The following TMEM132D variants were observed in gnomAD, a reference collection of about 807,000 sequenced individuals.
The protein encoded by TMEM132D is transmembrane protein 132D.
Under a neutral mutation model 62.3 loss-of-function variants are expected in TMEM132D, and 21 were observed. The observed-to-expected ratio is 0.34, with a 90% CI of 0.24 to 0.49. TMEM132D has a LOEUF of 0.49. Ranked by LOEUF, TMEM132D falls within the 20% of genes least tolerant of loss-of-function variation. The pLI, the probability that TMEM132D is intolerant of heterozygous loss-of-function variation, is 0.99. For missense variants in TMEM132D, 1,346 were observed against 1,402.8 expected (o/e 0.96, Z 0.65); for synonymous variants, 621 against 575.6 (o/e 1.08, Z -1.13).
chr12:129,901,858 C>A (rs1013107520), intron 1 of TMEM132D, among the ~76,000 whole-genome samples: 5 of 143,920 alleles, frequency 3.5e-5, no homozygotes, highest in African/African-American at 1.3e-4. Flanking sequence ...CAAGTGAGAA[C>A]CAACCCCCCC....
chr12:129,394,857 C>T (rs1266483662), intron 3 of TMEM132D, among the ~76,000 whole-genome samples: 1 of 152,142 alleles, frequency 6.6e-6, no homozygotes, highest in South Asian at 2.1e-4. Flanking sequence ...CAAAAGCTCA[C>T]GGGAATCTTT....
At chr12:129,185,873 G>C (rs981652250) in intron 5 of TMEM132D, among the ~76,000 whole-genome samples, 1 of 152,004 alleles carries the variant, frequency 6.6e-6, no homozygotes, top group African/African-American at 2.4e-5. Flanking sequence ...GAAATGGAGT[G>C]CATATAGAAC....
chr12:129,270,989 C>T (rs1593318294), intron 4 of TMEM132D, among the ~76,000 whole-genome samples: 1 of 152,294 alleles, frequency 6.6e-6, no homozygotes, highest in East Asian at 1.9e-4. Flanking sequence ...TGGTTGCACC[C>T]TGTGACGGCT....
chr12:129,385,790 C>T (rs1238391938), intron 3 of TMEM132D, among the ~76,000 whole-genome samples: 1 of 152,170 alleles, frequency 6.6e-6, no homozygotes, highest in Non-Finnish European at 1.5e-5. Context: ...GACTGAATTT[C>T]AGAAAGCAAC....
intron 5 of TMEM132D, among the ~76,000 whole-genome samples, chr12:129,174,123 A>C (rs1309205810): frequency 2.0e-5 from 3 of 152,116 alleles, no homozygotes; most frequent in Non-Finnish European, 4.4e-5. Context: ...ATTTTACCTT[A>C]AGTTGCAGGA....
chr12:129,522,546 A>G (rs1875880354), intron 3 of TMEM132D: 1 of 152,204 alleles, frequency 6.6e-6, no homozygotes, highest in African/African-American at 2.4e-5. Context: ...ACTCACGGTA[A>G]AGGGTTGTCA....
At chr12:129,403,387 G>T (rs1323378169) in intron 3 of TMEM132D, among the ~76,000 whole-genome samples, 1 of 151,242 alleles carries the variant, frequency 6.6e-6, no homozygotes, top group Non-Finnish European at 1.5e-5. Flanking sequence ...AGAGAGTACA[G>T]CAAGGACTAA....
intron 1 of TMEM132D, among the ~76,000 whole-genome samples, chr12:129,884,968 C>T (rs140073833): frequency 3.9e-4 from 60 of 152,294 alleles, no homozygotes; most frequent in African/African-American, 1.4e-3. Flanking sequence ...ACCAGCATAC[C>T]AACAACTTGT....
chr12:129,642,139 G>C (rs765374532), intron 2 of TMEM132D, among the ~76,000 whole-genome samples: 1 of 152,104 alleles, frequency 6.6e-6, no homozygotes, highest in African/African-American at 2.4e-5. Context: ...TAACGGAAGG[G>C]GCCTCTGCTG....
chr12:129,316,424 GTTAT>G (rs2135639651), intron 4 of TMEM132D, among the ~76,000 whole-genome samples: 1 of 152,248 alleles, frequency 6.6e-6, no homozygotes, highest in East Asian at 1.9e-4. Flanking sequence ...TCAGGAGCAG[GTTAT>G]TTGATTTCCA....
Position 129,895,959 on chromosome 12 carries a change from CT to C in TMEM132D, c.79+7301del, listed in dbSNP as rs1875102707. On this transcript the variant is annotated intron_variant, in intron 1 of 8. Transcript: ENST00000422113. ...AAAGTCAGGAATTTGATTTCTCTGT[CT>C]CTCTTTTTTTTTTTTTTTTTTTTGT... Among the ~76,000 whole-genome samples the C allele has an allele frequency of 2.1e-5, 3 of 142,010 alleles. No individual in the cohort carries two copies. In the Admixed American group the frequency reaches 2.1e-4, roughly 10 times the overall value. 93.2% of individuals were successfully genotyped at this position (142,010 alleles called of 152,430 possible).
chr12:129,439,496 T>C (rs1872880716), intron 3 of TMEM132D, among the ~76,000 whole-genome samples: 1 of 151,816 alleles, frequency 6.6e-6, no homozygotes, highest in African/African-American at 2.4e-5. Flanking sequence ...ATTGCCCAGG[T>C]TGGAGTGCAG....
intron 5 of TMEM132D, among the ~76,000 whole-genome samples, chr12:129,107,302 G>C (rs1875532479): frequency 6.6e-6 from 1 of 152,150 alleles, no homozygotes; most frequent in African/African-American, 2.4e-5. Context: ...CACTGAAATG[G>C]AATTCACAGA....
chr12:129,283,579 T>C (rs966786667), intron 4 of TMEM132D, among the ~76,000 whole-genome samples: 9 of 152,234 alleles, frequency 5.9e-5, no homozygotes, highest in African/African-American at 1.7e-4. Flanking sequence ...GAATTTTTTT[T>C]CCCAAAGTAT....
At chr12:129,296,931 C>A (rs1881593458) in intron 4 of TMEM132D, among the ~76,000 whole-genome samples, 1 of 152,230 alleles carries the variant, frequency 6.6e-6, no homozygotes. Context: ...AGGAATGCTT[C>A]TCAGAACTCT....
intron 2 of TMEM132D, among the ~76,000 whole-genome samples, chr12:129,696,485 C>T (rs1347796716): frequency 1.3e-5 from 2 of 152,190 alleles, no homozygotes; most frequent in Admixed American, 6.5e-5. Context: ...CTGTTCTAGG[C>T]CCCCCGGCTG....
intron 5 of TMEM132D, among the ~76,000 whole-genome samples, chr12:129,157,409 G>A (rs1025083452): frequency 5.3e-5 from 8 of 152,190 alleles, no homozygotes; most frequent in Non-Finnish European, 1.2e-4. Flanking sequence ...AGATTCACCT[G>A]CCTCAGTACA....
rs144267550 is a variant in TMEM132D, at chr12:129,084,579, G to A, written c.1567C>T (p.Arg523Trp). The A allele has an allele frequency of 2.2e-5, 35 of 1,614,000 alleles. No individual in the cohort carries two copies. Among genetic ancestry groups the A allele is most frequent in the South Asian group, 1.3e-4 (12 of 91,054 alleles). Residue 523 changes from arginine (R) to tryptophan (W), a missense_variant, in exon 6 of 9, where the codon CGG (arginine) becomes TGG (tryptophan). Arg to Trp is a moderately radical substitution (Grantham distance 101). Transcript: ENST00000422113. ...GAGACCTCGATCTGCAGCGGAAGCC[G>A]GGGCACCCACACCGTCATCTCCAGG... ...SPLEMTVWVP[R>W]LPLQIEVSDT... is the part of the protein sequence containing the mutation.
chr12:129,342,282 A>T (rs1030839552), intron 3 of TMEM132D, among the ~76,000 whole-genome samples: 3 of 152,230 alleles, frequency 2.0e-5, no homozygotes, highest in African/African-American at 7.2e-5. Flanking sequence ...CATATCTACA[A>T]CTATCTGATC....
Sources: allele counts gnomAD v4.1 joint callset (sites outside exome capture counted in the v4.1 genomes callset), GRCh38; gene constraint gnomAD v4.1.1; transcripts MANE v1.5; gene names NCBI Gene and HGNC (gene_info 2026-07-23, HGNC 2026-07-21).